CHD6: variants seen among roughly 807,000 people sequenced by gnomAD.
CHD6 encodes the protein ATP-dependent chromatin remodeler CHD6.
In CHD6, 50 loss-of-function variants were observed where a neutral mutation model predicts 276.9. The ratio of observed to expected loss-of-function variants is 0.18; its 90% CI spans 0.14 to 0.23. The LOEUF (loss-of-function observed/expected upper bound fraction) is 0.23, where lower values mean the gene tolerates loss of function less well. Among genes scored for constraint, CHD6 ranks in the 10% least tolerant of loss-of-function variants. The probability of loss-of-function intolerance (pLI) is 1.00; values close to 1 mark genes in which losing one functional copy is unlikely to be tolerated. For missense variants in CHD6, 2,564 were observed against 3,365.8 expected, an observed-to-expected ratio of 0.76 and a Z score of 5.89; for synonymous variants, 1,173 against 1,229.3, an observed-to-expected ratio of 0.95 and a Z score of 0.96.
At chr20:41,410,025 A>G (rs2046796387) in intron 36 of CHD6, among the ~76,000 whole-genome samples, 1 of 152,206 alleles carries the variant, frequency 6.6e-6, no homozygotes. Context: ...GCGCAATGAT[A>G]ATTCTGTGGA....
intron 1 of CHD6, among the ~76,000 whole-genome samples, chr20:41,572,959 G>C (rs1051245556): frequency 4.6e-5 from 7 of 151,878 alleles, no homozygotes; most frequent in African/African-American, 1.7e-4. Context: ...GCCCAGGCTG[G>C]AGTGCAGTGG....
chr20:41,494,175 A>G (rs538754363), intron 8 of CHD6, among the ~76,000 whole-genome samples: 1 of 152,360 alleles, frequency 6.6e-6, no homozygotes, highest in South Asian at 2.1e-4. Context: ...TAGCCAGGTA[A>G]TAATTCCCTG....
At position 41,493,540 on chromosome 20, in the gene CHD6, C is replaced by T. The variant is rs1182571658; in HGVS notation, c.1312G>A (p.Val438Met). The stretch of plus-strand genomic sequence containing the variant: ...AGAGAGAGACAAAACTACTTTACCA[C>T]ATGCTTAATTTCAGGGAGAACTTGA... ...SLQVLPEIKH[V>M]ERPASDSWQK... Residue 438 changes from valine (V) to methionine (M), a missense_variant and splice_region_variant, in exon 10 of 37, where the codon GTG (valine) becomes ATG (methionine). Around this residue, in one of 7 missense-constraint regions of CHD6, gnomAD observed 457 missense variants for 889.0 expected, o/e 0.51. Coordinates refer to ENST00000373233, the MANE Select transcript of CHD6 (RefSeq NM_032221.5). The T allele has an allele frequency of 6.2e-7, 1 of 1,613,560 alleles. No individual in the cohort carries two copies. Among genetic ancestry groups the T allele is most frequent in the Non-Finnish European group, 8.5e-7 (1 of 1,179,682 alleles).
intron 4 of CHD6, among the ~76,000 whole-genome samples, chr20:41,514,577 C>G (rs927391022): frequency 6.6e-6 from 1 of 152,180 alleles, no homozygotes; most frequent in Admixed American, 6.5e-5. Flanking sequence ...ATCCTGCTAC[C>G]TTCCAGGAAT....
At chr20:41,547,036 G>C (rs149602727) in intron 2 of CHD6, among the ~76,000 whole-genome samples, 1 of 152,160 alleles carries the variant, frequency 6.6e-6, no homozygotes, top group Non-Finnish European at 1.5e-5. Flanking sequence ...ACAAAGAAAT[G>C]AGGAATATCA....
chr20:41,432,728 A>C (rs2047584199), intron 27 of CHD6, among the ~76,000 whole-genome samples: 1 of 152,166 alleles, frequency 6.6e-6, no homozygotes, highest in African/African-American at 2.4e-5. Context: ...GAAGACCTCA[A>C]ACTGAATGAA....
intron 28 of CHD6, among the ~76,000 whole-genome samples, chr20:41,425,619 G>A (rs2047337169): frequency 6.6e-6 from 1 of 152,132 alleles, no homozygotes; most frequent in Non-Finnish European, 1.5e-5. Context: ...CTCAAACACA[G>A]AAGTGTCTTT....
chr20:41,405,416 C>T lies in CHD6; in HGVS notation c.7325G>A (p.Arg2442Lys). The T allele has an allele frequency of 7.4e-6, 12 of 1,612,418 alleles. No individual in the cohort carries two copies. The highest frequency in any genetic ancestry group is 1.1e-5 in the South Asian group (1 of 90,926). ...PILRDTGPRR[R>K]GRRPRSELLK... ...GAGTTCGCTCCGAGGCCGCCTCCCC[C>T]TCCTGCGGGGGCCCGTATCTCGAAG... The change falls in exon 37 of 37, where the codon AGG (arginine) becomes AAG (lysine). Residue 2442 changes from arginine to lysine, a missense_variant. By Grantham distance (26) the Arg-to-Lys change is conservative. This residue lies in a region of CHD6 where 1,024 missense variants were observed against 1,047.9 expected (regional missense o/e 0.98). Coordinates refer to ENST00000373233, the MANE Select transcript of CHD6 (RefSeq NM_032221.5).
intron 17 of CHD6, among the ~76,000 whole-genome samples, chr20:41,468,079 C>G (rs2145755369): frequency 6.7e-6 from 1 of 150,316 alleles, no homozygotes; most frequent in African/African-American, 2.4e-5. Context: ...ACCACTCTTT[C>G]TAAATCAGGG....
At chr20:41,423,747 T>C in intron 29 of CHD6, 47 bp from the exon 30 acceptor site, 1 of 1,493,338 alleles carries the variant, frequency 6.7e-7, no homozygotes, top group Non-Finnish European at 9.3e-7. Flanking sequence ...CTTCTTTTTT[T>C]AAAGCCAATA....
At chr20:41,580,805 A>G (rs890571100) in intron 1 of CHD6, among the ~76,000 whole-genome samples, 5 of 152,218 alleles carry the variant, frequency 3.3e-5, no homozygotes, top group African/African-American at 1.2e-4. Flanking sequence ...AAAATAAGCT[A>G]TAAAATGAAG....
At chr20:41,527,938 C>A (rs982806429) in intron 3 of CHD6, among the ~76,000 whole-genome samples, 11 of 152,298 alleles carry the variant, frequency 7.2e-5, no homozygotes, top group African/African-American at 2.6e-4. Flanking sequence ...GCTCCTCTCT[C>A]TGCCTTTGGC....
chr20:41,445,178 C>T (rs1041864009), intron 25 of CHD6, among the ~76,000 whole-genome samples: 1 of 152,186 alleles, frequency 6.6e-6, no homozygotes, highest in African/African-American at 2.4e-5. Context: ...TTTAAAAAGA[C>T]AGTCTATGCT....
At chr20:41,525,636 C>T (rs1669624272) in intron 3 of CHD6, among the ~76,000 whole-genome samples, 1 of 152,206 alleles carries the variant, frequency 6.6e-6, no homozygotes, top group South Asian at 2.1e-4. Flanking sequence ...AAAATGAAAG[C>T]AGGCTGCGTG....
At chr20:41,483,065 A>AT (rs1007696236) in intron 16 of CHD6, among the ~76,000 whole-genome samples, 20 of 150,816 alleles carry the variant, frequency 1.3e-4, no homozygotes, top group South Asian at 6.3e-4. Context: ...AATATGTGGA[A>AT]TTTTTTTTTT....
chr20:41,512,896 C>A lies in CHD6; in HGVS notation c.802G>T (p.Ala268Ser). The A allele has an allele frequency of 6.2e-7, 1 of 1,614,038 alleles. No individual in the cohort carries two copies. Among genetic ancestry groups the A allele is most frequent in the Non-Finnish European group, 8.5e-7 (1 of 1,179,942 alleles). Residue 268 changes from alanine (A) to serine (S), a missense_variant, in exon 5 of 37, where the codon GCT becomes TCT. This residue lies in a region of CHD6 where 457 missense variants were observed against 889.0 expected (regional missense o/e 0.51). Coordinates refer to ENST00000373233, the MANE Select transcript of CHD6 (RefSeq NM_032221.5). ...DDGETIAVLG[A>S]GRTSALSAST... ...GCTGAGAGTGCAGATGTTCGACCAG[C>A]TCCAAGAACAGCAATTGTTTCCCCA...
intron 33 of CHD6, 75 bp from the exon 34 acceptor site, chr20:41,415,713 G>T: frequency 9.0e-7 from 1 of 1,110,084 alleles, no homozygotes; most frequent in Non-Finnish European, 1.3e-6. Context: ...CTCCAGGCCT[G>T]ATTTCCCTAG....
At chr20:41,489,702 C>T in intron 12 of CHD6, 76 bp downstream of exon 12, 1 of 1,584,410 alleles carries the variant, frequency 6.3e-7, no homozygotes, top group African/African-American at 1.3e-5. Context: ...GGCACTGGAA[C>T]TTCTGAAGAT....
At chr20:41,578,574 G>A (rs2045499297) in intron 1 of CHD6, among the ~76,000 whole-genome samples, 1 of 151,860 alleles carries the variant, frequency 6.6e-6, no homozygotes, top group Admixed American at 6.6e-5. Flanking sequence ...CAGCTACTCG[G>A]GAGGCTGAGG....
Sources: allele counts gnomAD v4.1 joint callset (sites outside exome capture counted in the v4.1 genomes callset), GRCh38; gene constraint gnomAD v4.1.1; regional missense constraint gnomAD v4.1.1; transcripts MANE v1.5; gene names NCBI Gene and HGNC (gene_info 2026-07-23, HGNC 2026-07-21).